Variants in C8orf34 observed in about 807,000 individuals in gnomAD.
C8orf34 encodes the protein uncharacterized protein C8orf34.
C8orf34 carries 65 observed loss-of-function variants against 68.3 expected under a neutral mutation model. The ratio of observed to expected loss-of-function variants is 0.95; its 90% confidence interval spans 0.78 to 1.17. The LOEUF (loss-of-function observed/expected upper bound fraction) is 1.17, where lower values mean the gene tolerates loss of function less well. Ranked by LOEUF, C8orf34 falls within the 50% of genes most tolerant of loss-of-function variation. The pLI is 0.00. For missense variants in C8orf34, 664 were observed against 655.4 expected, an observed-to-expected ratio of 1.01 and a Z score of -0.14; for synonymous variants, 244 against 241.2, an observed-to-expected ratio of 1.01 and a Z score of -0.11.
At chr8:68,398,213 A>G (rs1386565123) in intron 1 of C8orf34, among the ~76,000 whole-genome samples, 1 of 152,214 alleles carries the variant, frequency 6.6e-6, no homozygotes, top group East Asian at 1.9e-4. Context: ...ACACAAAGAT[A>G]CTAAAATATA....
At chr8:68,488,852 A>G (rs1246500928) in intron 5 of C8orf34, among the ~76,000 whole-genome samples, 1 of 152,160 alleles carries the variant, frequency 6.6e-6, no homozygotes. Context: ...AGCCCTTTAC[A>G]TTGTTAAAAA....
intron 4 of C8orf34, among the ~76,000 whole-genome samples, chr8:68,481,980 G>T (rs1050578480): frequency 2.6e-5 from 4 of 152,120 alleles, no homozygotes; most frequent in African/African-American, 9.7e-5. Flanking sequence ...AGATTTGGAG[G>T]GGCCAGGGAA....
intron 8 of C8orf34, among the ~76,000 whole-genome samples, chr8:68,702,859 C>A (rs902928850): frequency 6.6e-6 from 1 of 152,082 alleles, no homozygotes; most frequent in Non-Finnish European, 1.5e-5. Context: ...ATTTAAAACT[C>A]CCTCCTCATT....
At chr8:68,651,255 A>T (rs981889860) in intron 8 of C8orf34, among the ~76,000 whole-genome samples, 18 of 152,194 alleles carry the variant, frequency 1.2e-4, no homozygotes, top group Admixed American at 1.3e-4. Flanking sequence ...AGGCAGGGAA[A>T]GGTGATCTTC....
At chr8:68,507,552 C>T (rs1048933824) in intron 5 of C8orf34, among the ~76,000 whole-genome samples, 1 of 152,132 alleles carries the variant, frequency 6.6e-6, no homozygotes, top group Non-Finnish European at 1.5e-5. Context: ...GAACTGGATT[C>T]CCTGAGAGTC....
intron 7 of C8orf34, among the ~76,000 whole-genome samples, chr8:68,582,113 A>T (rs1008884716): frequency 1.3e-5 from 2 of 152,190 alleles, no homozygotes; most frequent in Non-Finnish European, 2.9e-5. Context: ...TATCTTACTT[A>T]ATCAGAGTTT....
At chr8:68,751,580 A>C (rs945469584) in intron 10 of C8orf34, among the ~76,000 whole-genome samples, 3 of 152,154 alleles carry the variant, frequency 2.0e-5, no homozygotes, top group Non-Finnish European at 4.4e-5. Flanking sequence ...TACACCACAC[A>C]GTATTGAGGG....
chr8:68,516,205 C>T (rs1814506303), intron 5 of C8orf34, among the ~76,000 whole-genome samples: 1 of 152,212 alleles, frequency 6.6e-6, no homozygotes, highest in Admixed American at 6.5e-5. Context: ...GAATCATTTA[C>T]ATGATTTTGG....
chr8:68,712,842 C>T (rs2130974285), intron 9 of C8orf34, among the ~76,000 whole-genome samples: 1 of 152,098 alleles, frequency 6.6e-6, no homozygotes, highest in Non-Finnish European at 1.5e-5. Context: ...ATTTACAAAA[C>T]AGTGTACCCA....
At chr8:68,411,141 G>A (rs1185558922) in intron 1 of C8orf34, among the ~76,000 whole-genome samples, 1 of 152,090 alleles carries the variant, frequency 6.6e-6, no homozygotes, top group Admixed American at 6.6e-5. Context: ...TTTAGTAGAA[G>A]TTTGGAGCAT....
At chr8:68,798,544 C>G (rs1824244323) in intron 12 of C8orf34, among the ~76,000 whole-genome samples, 2 of 152,156 alleles carry the variant, frequency 1.3e-5, no homozygotes, top group Middle Eastern at 3.4e-3. Flanking sequence ...ATTTGTTATG[C>G]TACTATCATA....
intron 1 of C8orf34, among the ~76,000 whole-genome samples, chr8:68,386,582 T>G (rs917843264): frequency 2.0e-5 from 3 of 152,298 alleles, no homozygotes; most frequent in East Asian, 1.9e-4. Context: ...TATAACCTCC[T>G]AAGTGTCTAT....
At chr8:68,555,501 T>A (rs1447965999) in intron 7 of C8orf34, among the ~76,000 whole-genome samples, 1 of 152,154 alleles carries the variant, frequency 6.6e-6, no homozygotes, top group African/African-American at 2.4e-5. Context: ...TTAGCAAGAC[T>A]AAGATTTTAG....
At chr8:68,521,437 A>G (rs937420973) in intron 5 of C8orf34, among the ~76,000 whole-genome samples, 5 of 152,064 alleles carry the variant, frequency 3.3e-5, no homozygotes, top group African/African-American at 1.2e-4. Flanking sequence ...TACCTGGGCA[A>G]TTATTTACTA....
chr8:68,699,159 A>G lies in C8orf34; in HGVS notation c.1242-9835A>G, dbSNP rs143203719. ...TCTAGAAGTCCTGTTGGAGATTTCA[A>G]GGTGTCCTAAAATTTGAGAACCACC... On this transcript the variant is annotated intron_variant, in intron 8 of 13. Coordinates refer to ENST00000518698, the MANE Select transcript of C8orf34 (RefSeq NM_052958.4). 4.4e-3 allele frequency among the ~76,000 whole-genome samples: 672 copies of G among 151,980 alleles called. 11 individuals are homozygous for G. Among genetic ancestry groups the G allele is most frequent in the African/African-American group, 0.015 (634 of 41,464 alleles).
At chr8:68,771,579 T>G (rs556797409) in intron 10 of C8orf34, among the ~76,000 whole-genome samples, 1 of 152,306 alleles carries the variant, frequency 6.6e-6, no homozygotes, top group East Asian at 1.9e-4. Context: ...ACCCCAAATT[T>G]TCCTTCTTCC....
In C8orf34 at chr8:68,773,921, G is replaced by C. The variant is rs554551712; in HGVS notation, c.1405-2478G>C. On this transcript the variant is annotated intron_variant, in intron 10 of 13. Coordinates refer to ENST00000518698, the MANE Select transcript of C8orf34 (RefSeq NM_052958.4). The stretch of plus-strand genomic sequence containing the variant: ...TTAAGAAAACCCACGGTCATCACCA[G>C]GTCTTAGCAGAAGACTGCAAATGTC... Among the ~76,000 whole-genome samples, 6 of 152,260 alleles carry C rather than the reference G, an allele frequency of 3.9e-5. No individual in the cohort carries two copies. The East Asian group carries it at 9.7e-4, about 25-fold the overall frequency.
At chr8:68,379,794 A>G (rs974312357) in intron 1 of C8orf34, among the ~76,000 whole-genome samples, 17 of 152,234 alleles carry the variant, frequency 1.1e-4, no homozygotes, top group African/African-American at 3.1e-4. Context: ...AAGATGTGCC[A>G]GGACACCCTC....
At chr8:68,593,011 G>A (rs1368797823) in intron 7 of C8orf34, among the ~76,000 whole-genome samples, 1 of 152,066 alleles carries the variant, frequency 6.6e-6, no homozygotes, top group Non-Finnish European at 1.5e-5. Context: ...AGTTACCTCT[G>A]TTAAATGTGA....
Sources: gnomAD v4.1 joint callset for allele counts (sites outside exome capture counted in the v4.1 genomes callset) on GRCh38, gnomAD v4.1.1 for gene constraint, MANE v1.5 for transcripts, NCBI Gene and HGNC (gene_info 2026-07-23, HGNC 2026-07-21) for gene names.